Variants in PEBP4 observed in about 807,000 individuals in gnomAD.
PEBP4 encodes phosphatidylethanolamine binding protein 4.
In PEBP4, 22 loss-of-function variants were observed where a neutral mutation model predicts 23.9. That is an observed-to-expected ratio of 0.92 (90% CI 0.66 to 1.31). The LOEUF (loss-of-function observed/expected upper bound fraction) is 1.31. PEBP4 is among the 40% of genes most tolerant of loss of function. PEBP4 has a pLI of 0.00. For missense variants in PEBP4, 324 were observed against 281.7 expected, an observed-to-expected ratio of 1.15 and a Z score of -1.07; for synonymous variants, 112 against 99.3, an observed-to-expected ratio of 1.13 and a Z score of -0.76.
At chr8:22,736,403 C>T (rs1458129225) in intron 4 of PEBP4, among the ~76,000 whole-genome samples, 1 of 151,970 alleles carries the variant, frequency 6.6e-6, no homozygotes, top group Non-Finnish European at 1.5e-5. Context: ...CCAGGAGTTG[C>T]AGAGCAGCCT....
intron 3 of PEBP4, among the ~76,000 whole-genome samples, chr8:22,877,547 G>A (rs1808146840): frequency 6.6e-6 from 1 of 152,170 alleles, no homozygotes; most frequent in South Asian, 2.1e-4. Flanking sequence ...TGGGAGGAGA[G>A]GAGGTGAGGC....
chr8:22,750,479 A>G (rs1374215671), intron 4 of PEBP4, among the ~76,000 whole-genome samples: 1 of 152,168 alleles, frequency 6.6e-6, no homozygotes, highest in Non-Finnish European at 1.5e-5. Flanking sequence ...ATTGGAAAAA[A>G]TTTATCTGGG....
intron 3 of PEBP4, among the ~76,000 whole-genome samples, chr8:22,826,568 G>T (rs1168769651): frequency 6.6e-6 from 1 of 152,152 alleles, no homozygotes; most frequent in Non-Finnish European, 1.5e-5. Flanking sequence ...GGAAAACTTC[G>T]TAACTGTAAA....
Position 22,822,568 on chromosome 8 carries a change from T to G in PEBP4, c.259-4833A>C, listed in dbSNP as rs182310968. Among the ~76,000 whole-genome samples the G allele has an allele frequency of 3.0e-3, 453 of 152,226 alleles. 3 individuals are homozygous for G. The highest frequency in any genetic ancestry group is 9.9e-3 in the African/African-American group (410 of 41,542). ...TTTATTTTTTTGCAAATGACATGAT[T>G]GTCTACATGAGAAATTTTAAAAAAT... On this transcript the variant is annotated intron_variant, in intron 3 of 6. Transcript: ENST00000256404.
At chr8:22,720,776 A>G (rs142936519) in intron 6 of PEBP4, among the ~76,000 whole-genome samples, 88 of 152,264 alleles carry the variant, frequency 5.8e-4, no homozygotes, top group African/African-American at 1.1e-3. Flanking sequence ...TGCTGTTTGA[A>G]TATCTCCCCT....
intron 4 of PEBP4, among the ~76,000 whole-genome samples, chr8:22,793,005 A>T (rs141696162): frequency 1.3e-5 from 2 of 152,222 alleles, no homozygotes; most frequent in African/African-American, 4.8e-5. Flanking sequence ...TTAAAATTGG[A>T]TTACAAAATT....
At chr8:22,895,337 TG>T (rs1404077555) in intron 3 of PEBP4, 1 of 152,160 alleles carries the variant, frequency 6.6e-6, no homozygotes, top group African/African-American at 2.4e-5. Context: ...ATAATAATGT[TG>T]GGGTGGGCTT....
At chr8:22,918,208 A>T (rs531811910) in intron 3 of PEBP4, among the ~76,000 whole-genome samples, 2 of 152,212 alleles carry the variant, frequency 1.3e-5, no homozygotes, top group Admixed American at 6.5e-5. Context: ...CTGCCTTCTC[A>T]TAGGTCTGTT....
At chr8:22,928,960 G>A (rs1181848079), upstream of PEBP4, among the ~76,000 whole-genome samples, 1 of 152,076 alleles carries the variant, frequency 6.6e-6, no homozygotes, top group Non-Finnish European at 1.5e-5. Context: ...CCCCCCTTAG[G>A]GGCTACATAT....
At chr8:22,735,534 T>A (rs1272542795) in intron 4 of PEBP4, among the ~76,000 whole-genome samples, 1 of 152,148 alleles carries the variant, frequency 6.6e-6, no homozygotes, top group African/African-American at 2.4e-5. Context: ...AAATGCAGGA[T>A]GGGGATAAGA....
chr8:22,796,751 T>A (rs150160597), intron 4 of PEBP4, among the ~76,000 whole-genome samples: 1 of 152,256 alleles, frequency 6.6e-6, no homozygotes, highest in East Asian at 1.9e-4. Context: ...TGGCTCCGCA[T>A]GGACATACAG....
At chr8:22,878,881 G>A (rs1277026077) in intron 3 of PEBP4, among the ~76,000 whole-genome samples, 1 of 152,190 alleles carries the variant, frequency 6.6e-6, no homozygotes, top group Admixed American at 6.5e-5. Context: ...CTGGAAGAGG[G>A]CATCCAGAAT....
At chr8:22,724,229 G>A (rs555961692) in intron 6 of PEBP4, among the ~76,000 whole-genome samples, 3 of 152,278 alleles carry the variant, frequency 2.0e-5, no homozygotes, top group South Asian at 4.1e-4. Context: ...AGTGGCCACC[G>A]CTCCTGCTCC....
chr8:22,852,263 G>T (rs773020823), intron 3 of PEBP4, among the ~76,000 whole-genome samples: 15 of 152,154 alleles, frequency 9.9e-5, no homozygotes, highest in Admixed American at 6.5e-5. Context: ...CCTCCAAAGC[G>T]TCAGCCCCTA....
intron 3 of PEBP4, chr8:22,896,094 T>C (rs1211949027): frequency 2.6e-5 from 4 of 152,188 alleles, no homozygotes; most frequent in African/African-American, 9.7e-5. Context: ...TCCCACATCC[T>C]TGCATCAAGT....
At chr8:22,820,615 G>T (rs1208965707) in intron 3 of PEBP4, among the ~76,000 whole-genome samples, 1 of 152,192 alleles carries the variant, frequency 6.6e-6, no homozygotes, top group African/African-American at 2.4e-5. Flanking sequence ...GTCCAGGAAG[G>T]CTGCAGAGTT....
chr8:22,724,967 A>T lies in PEBP4; in HGVS notation c.404-11T>A. On this transcript the variant is annotated splice_polypyrimidine_tract_variant and intron_variant, in intron 5 of 6. Coordinates refer to ENST00000256404, the MANE Select transcript of PEBP4 (RefSeq NM_144962.3). ...AGGGAGCCTGGTAGGCTATAGGTAG[A>T]AGCAGGAGAGAGGTGAGCATCAACA... 6.3e-7 allele frequency: 1 copy of T among 1,598,334 alleles called. No individual in the cohort carries two copies. Among genetic ancestry groups the T allele is most frequent in the African/African-American group, 1.3e-5 (1 of 74,586 alleles).
chr8:22,873,112 AG>A (rs1052388272), intron 3 of PEBP4, among the ~76,000 whole-genome samples: 9 of 152,210 alleles, frequency 5.9e-5, no homozygotes, highest in Non-Finnish European at 1.3e-4. Flanking sequence ...ATTCTTCCCC[AG>A]GTGAGTATAA....
chr8:22,930,386 G>A (rs940626644), upstream of PEBP4, among the ~76,000 whole-genome samples: 2 of 151,758 alleles, frequency 1.3e-5, no homozygotes, highest in African/African-American at 4.8e-5. Context: ...TCATATAGTT[G>A]TAATAAATTA....
Sources: allele counts gnomAD v4.1 joint callset (sites outside exome capture counted in the v4.1 genomes callset), GRCh38; gene constraint gnomAD v4.1.1; transcripts MANE v1.5; gene names NCBI Gene and HGNC (gene_info 2026-07-23, HGNC 2026-07-21).